Variants in IMPG2 observed in about 807,000 individuals in gnomAD.
IMPG2 encodes the protein IPM 200.
Under a neutral mutation model 129.2 loss-of-function variants are expected in IMPG2, and 91 were observed. The observed-to-expected ratio is 0.70, with a 90% CI of 0.59 to 0.84. The LOEUF is 0.84. Ranked by LOEUF, IMPG2 falls within the 40% of genes least tolerant of loss-of-function variation. The pLI is 0.00. For missense variants in IMPG2, 1,430 were observed against 1,461.7 expected, an observed-to-expected ratio of 0.98 and a Z score of 0.35; for synonymous variants, 510 against 517.7, an observed-to-expected ratio of 0.99 and a Z score of 0.20.
chr3:101,225,543 G>A lies in IMPG2; in HGVS notation c.*1426C>T, dbSNP rs971738028. The A allele has an allele frequency of 2.0e-5, 3 of 151,986 alleles. No homozygotes were observed. Among genetic ancestry groups the A allele is most frequent in the East Asian group, 3.9e-4 (2 of 5,194 alleles). 9.4% of individuals were successfully genotyped at this position (151,986 alleles called of 1,614,324 possible). On this transcript the variant is annotated 3_prime_UTR_variant, in exon 19 of 19. Coordinates refer to ENST00000193391, the MANE Select transcript of IMPG2 (RefSeq NM_016247.4). ...CACTGAGCCCAGATATTTAGTTTCC[G>A]GTGTCCTCATAATGAGCAGAATTGG...
At chr3:101,235,480 T>C (rs1240136567) in intron 14 of IMPG2, among the ~76,000 whole-genome samples, 2 of 152,234 alleles carry the variant, frequency 1.3e-5, no homozygotes, top group Admixed American at 6.5e-5. Context: ...TATATGTGTC[T>C]GAGGTGAGAA....
At chr3:101,250,953 T>C (rs2107227102) in intron 11 of IMPG2, among the ~76,000 whole-genome samples, 1 of 152,318 alleles carries the variant, frequency 6.6e-6, no homozygotes, top group African/African-American at 2.4e-5. Context: ...TGTTCTTCAA[T>C]AAAGTAGTTA....
At chr3:101,276,182 C>A (rs1265305688) in intron 5 of IMPG2, among the ~76,000 whole-genome samples, 1 of 152,126 alleles carries the variant, frequency 6.6e-6, no homozygotes, top group East Asian at 1.9e-4. Flanking sequence ...ATTTCTAACA[C>A]AGAGAAGTTT....
intron 3 of IMPG2, among the ~76,000 whole-genome samples, chr3:101,297,599 T>G (rs1707094248): frequency 6.6e-6 from 1 of 152,232 alleles, no homozygotes; most frequent in African/African-American, 2.4e-5. Context: ...GTATGTTGTA[T>G]CTTTGTTCTC....
At chr3:101,246,184 C>A in intron 11 of IMPG2, 79 bp from the exon 12 acceptor site, 1 of 1,370,250 alleles carries the variant, frequency 7.3e-7, no homozygotes, top group South Asian at 1.3e-5. Context: ...ACCTATCTGT[C>A]TATATTCCCA....
intron 15 of IMPG2, among the ~76,000 whole-genome samples, chr3:101,232,331 G>A (rs537417636): frequency 5.9e-5 from 9 of 151,854 alleles, no homozygotes; most frequent in South Asian, 2.1e-4. Flanking sequence ...TCTGCCTCCC[G>A]GGTTCAAGCA....
At chr3:101,285,795 A>C (rs1706939940) in intron 4 of IMPG2, among the ~76,000 whole-genome samples, 1 of 152,160 alleles carries the variant, frequency 6.6e-6, no homozygotes, top group Non-Finnish European at 1.5e-5. Context: ...AATTTTTATA[A>C]ATTTTGGTAG....
intron 2 of IMPG2, among the ~76,000 whole-genome samples, chr3:101,311,783 G>A (rs983720096): frequency 6.6e-6 from 1 of 152,054 alleles, no homozygotes; most frequent in Non-Finnish European, 1.5e-5. Context: ...CAAAGATGGT[G>A]AATTCATGCC....
In IMPG2 at chr3:101,253,787, GA is replaced by G; in HGVS notation, c.1154-7del. ...GTGACGCAAAACTCCTCTCACTGAG[GA>G]AAGAACAATATTAAAGAACATTTTT... On this transcript the variant is annotated splice_region_variant and splice_polypyrimidine_tract_variant and intron_variant, in intron 10 of 18. Transcript: ENST00000193391. 1 of 1,600,924 alleles carries G rather than the reference GA, an allele frequency of 6.2e-7. No homozygotes were observed. The highest frequency in any genetic ancestry group is 8.5e-7 in the Non-Finnish European group (1 of 1,170,558).
At chr3:101,310,416 G>A (rs1427682270) in intron 2 of IMPG2, among the ~76,000 whole-genome samples, 1 of 151,836 alleles carries the variant, frequency 6.6e-6, no homozygotes, top group African/African-American at 2.4e-5. Flanking sequence ...GAAATTAGCC[G>A]GGCATGGTGG....
intron 14 of IMPG2, among the ~76,000 whole-genome samples, chr3:101,237,407 A>T (rs545393003): frequency 2.6e-5 from 4 of 152,282 alleles, no homozygotes; most frequent in Admixed American, 2.6e-4. Context: ...CCTGACCCCT[A>T]TGTCTCCTGA....
chr3:101,255,246 T>C (rs1706586272), intron 10 of IMPG2, among the ~76,000 whole-genome samples: 1 of 152,104 alleles, frequency 6.6e-6, no homozygotes, highest in African/African-American at 2.4e-5. Flanking sequence ...GGCCTGACAA[T>C]AGCAATAAAT....
Position 101,243,703 on chromosome 3 carries a change from C to T in IMPG2, c.2628G>A (p.Glu876=), listed in dbSNP as rs1421684011. Residue 876 remains glutamate (E), a synonymous_variant, in exon 13 of 19, where the codon GAG becomes GAA. Coordinates refer to ENST00000193391, the MANE Select transcript of IMPG2 (RefSeq NM_016247.4). ...CTGTGGGCCAAGCCACACTAACCAT[C>T]TCTGTGGAGTGAACACTTGTTGACA... ...VEMSTSVHST[E]MVSVAWPTEG... is the part of the protein sequence containing the mutation. 6.2e-7 allele frequency: 1 copy of T among 1,613,974 alleles called. No individual in the cohort carries two copies.
intron 4 of IMPG2, among the ~76,000 whole-genome samples, chr3:101,280,956 A>AC (rs940918671): frequency 5.9e-5 from 9 of 151,876 alleles, no homozygotes; most frequent in African/African-American, 2.2e-4. Flanking sequence ...CAAAAAAAAA[A>AC]AATTATATAT....
At position 101,309,425 on chromosome 3, in the gene IMPG2, A is replaced by AG. The variant is rs894243736; in HGVS notation, c.335-5114dup. 1.9e-4 allele frequency among the ~76,000 whole-genome samples: 29 copies of AG among 152,290 alleles called. No homozygotes were observed. The Middle Eastern group carries it at 0.014, about 71-fold the overall frequency. ...TCAGGAAACTTACAATCATGGTGGA[A>AG]GGGGGAGCAAACACATCCTTCTTCA... is the stretch of plus-strand genomic sequence containing the variant. On this transcript the variant is annotated intron_variant, in intron 2 of 18. Coordinates refer to ENST00000193391, the MANE Select transcript of IMPG2 (RefSeq NM_016247.4).
chr3:101,309,428 G>A (rs746333208), intron 2 of IMPG2, among the ~76,000 whole-genome samples: 3 of 152,140 alleles, frequency 2.0e-5, no homozygotes, highest in Non-Finnish European at 2.9e-5. Context: ...TGGTGGAAGG[G>A]GGAGCAAACA....
intron 3 of IMPG2, among the ~76,000 whole-genome samples, chr3:101,295,767 G>T (rs1397436555): frequency 6.6e-6 from 1 of 152,156 alleles, no homozygotes; most frequent in Non-Finnish European, 1.5e-5. Flanking sequence ...TCTCCTTGAA[G>T]AGGTTCTTCA....
intron 10 of IMPG2, 109 bp downstream of exon 10, chr3:101,257,420 T>C (rs1001897841): frequency 2.2e-6 from 3 of 1,360,954 alleles, no homozygotes; most frequent in African/African-American, 1.4e-5. Context: ...TCCTGTCTCA[T>C]AAAGTCTAGA....
intron 14 of IMPG2, among the ~76,000 whole-genome samples, chr3:101,233,787 G>T (rs1328759254): frequency 6.6e-6 from 1 of 152,060 alleles, no homozygotes; most frequent in Non-Finnish European, 1.5e-5. Flanking sequence ...TGGTGACACA[G>T]ACATTGAAAA....
Sources: gnomAD v4.1 joint callset for allele counts (sites outside exome capture counted in the v4.1 genomes callset) on GRCh38, gnomAD v4.1.1 for gene constraint, MANE v1.5 for transcripts, NCBI Gene and HGNC (gene_info 2026-07-23, HGNC 2026-07-21) for gene names.